The following HTT variants were observed in gnomAD, a reference collection of about 807,000 sequenced individuals.
The protein encoded by HTT is huntingtin.
A neutral mutation model predicts 362.3 loss-of-function variants in HTT; 104 were observed. The ratio of observed to expected loss-of-function variants is 0.29; its 90% confidence interval spans 0.24 to 0.34. The LOEUF is 0.34. Ranked by LOEUF, HTT falls within the 10% of genes least tolerant of loss-of-function variation. HTT has a pLI of 1.00. For missense variants in HTT, 3,301 were observed against 3,928.6 expected (o/e 0.84, Z 4.27); for synonymous variants, 1,577 against 1,548.7 (o/e 1.02, Z -0.43).
chr4:3,093,014 G>T (rs1713594348), intron 2 of HTT, among the ~76,000 whole-genome samples: 1 of 152,208 alleles, frequency 6.6e-6, no homozygotes, highest in South Asian at 2.1e-4. Flanking sequence ...GGCAGAGCTG[G>T]GAGTGCAGAG....
intron 26 of HTT, among the ~76,000 whole-genome samples, chr4:3,149,938 G>A (rs561017359): frequency 6.6e-6 from 1 of 152,308 alleles, no homozygotes; most frequent in East Asian, 1.9e-4. Context: ...ACATCTCTGG[G>A]CACTGCTCTG....
At position 3,154,173 on chromosome 4, in the gene HTT, G is replaced by A. The variant is rs74449027; in HGVS notation, c.3499-120G>A. 7.0e-3 allele frequency: 5,425 copies of A among 770,494 alleles called. 190 individuals carry two copies. In the African/African-American group the frequency reaches 0.079, roughly 11 times the overall value. The allele number at this position is 770,494 out of a possible 1,614,324, so 47.7% of individuals were successfully genotyped here. ...ATATCAGGGTCCAAGAACAAAATGA[G>A]TGACATGGGTTAGCTCTTTTTAATA... On this transcript the variant is annotated intron_variant, in intron 26 of 66. Coordinates refer to ENST00000355072, the MANE Select transcript of HTT (RefSeq NM_001388492.1).
intron 47 of HTT, among the ~76,000 whole-genome samples, chr4:3,211,101 A>C (rs1009457852): frequency 6.6e-6 from 1 of 151,766 alleles, no homozygotes; most frequent in African/African-American, 2.4e-5. Flanking sequence ...ACGGGATTTC[A>C]CCATGTTGGC....
At position 3,182,425 on chromosome 4, in the gene HTT, T is replaced by A. The variant is rs1300862482; in HGVS notation, c.4821T>A (p.Ser1607=). 1 of 1,614,116 alleles carries A rather than the reference T, an allele frequency of 6.2e-7. No individual in the cohort carries two copies. The highest frequency in any genetic ancestry group is 1.7e-5 in the Admixed American group (1 of 60,020). ...ATGAAGACAAGTGGAAGCGACTGTC[T>A]CGACAGATAGCTGACATCATCCTCC... ...KENEDKWKRL[S]RQIADIILPM... Residue 1607 remains serine, a synonymous_variant, in exon 37 of 67, where the codon TCT becomes TCA. Coordinates refer to ENST00000355072, the MANE Select transcript of HTT (RefSeq NM_001388492.1).
chr4:3,077,849 G>C (rs1269499466), intron 1 of HTT, among the ~76,000 whole-genome samples: 1 of 151,116 alleles, frequency 6.6e-6, no homozygotes, highest in African/African-American at 2.5e-5. Context: ...TGAGAAAGGA[G>C]GTATTCACTA....
chr4:3,103,925 A>C, intron 4 of HTT, 42 bp downstream of exon 4: 1 of 1,210,954 alleles, frequency 8.3e-7, no homozygotes, highest in Non-Finnish European at 1.2e-6. Flanking sequence ...TTAAATTTTA[A>C]ATTTTTATAG....
At chr4:3,168,965 G>A (rs1578555964) in intron 29 of HTT, among the ~76,000 whole-genome samples, 1 of 150,646 alleles carries the variant, frequency 6.6e-6, no homozygotes, top group Non-Finnish European at 1.5e-5. Context: ...TGGGTCTGTG[G>A]CTTCATAGTA....
At chr4:3,186,150 A>G (rs1718747841) in intron 37 of HTT, among the ~76,000 whole-genome samples, 1 of 152,014 alleles carries the variant, frequency 6.6e-6, no homozygotes, top group Non-Finnish European at 1.5e-5. Context: ...ATATACACAC[A>G]CCACTTAGCA....
At chr4:3,233,082 G>T (rs181880555) in intron 60 of HTT, 81 bp from the exon 61 acceptor site, 2 of 1,203,448 alleles carry the variant, frequency 1.7e-6, no homozygotes, top group Non-Finnish European at 2.4e-6. Flanking sequence ...TGAGGGCAGC[G>T]CCCCCGCCTC....
At chr4:3,209,003 G>A in intron 46 of HTT, 92 bp downstream of exon 46, 14 of 1,360,010 alleles carry the variant, frequency 1.0e-5, no homozygotes, top group Non-Finnish European at 1.4e-5. Flanking sequence ...GAGGTGCCGT[G>A]GACCCAAGGA....
intron 36 of HTT, among the ~76,000 whole-genome samples, chr4:3,181,868 C>G (rs925327780): frequency 1.9e-4 from 29 of 152,122 alleles, no homozygotes; most frequent in African/African-American, 6.0e-4. Context: ...GAAATGATCA[C>G]TAATAAACTT....
At chr4:3,225,346 C>G (rs1163896075) in intron 56 of HTT, among the ~76,000 whole-genome samples, 1 of 152,194 alleles carries the variant, frequency 6.6e-6, no homozygotes, top group Admixed American at 6.5e-5. Flanking sequence ...GCTTTTGCAG[C>G]TCAGCCCACA....
chr4:3,085,013 C>T (rs1002363228), intron 1 of HTT, among the ~76,000 whole-genome samples: 1 of 146,982 alleles, frequency 6.8e-6, no homozygotes, highest in Non-Finnish European at 1.5e-5. Context: ...GACTCCGTCT[C>T]GGGGGAAAAA....
At position 3,180,320 on chromosome 4, in the gene HTT, G is replaced by A. The variant is rs1157544858; in HGVS notation, c.4613-195G>A. The stretch of plus-strand genomic sequence containing the variant: ...CTTTTTTTAGAAGTCATCACAAAAT[G>A]ATCAGTGTTCAGAGGAAGAGCTTTG... On this transcript the variant is annotated intron_variant, in intron 35 of 66. Transcript: ENST00000355072. Among the ~76,000 whole-genome samples the A allele has an allele frequency of 2.0e-5, 3 of 152,130 alleles. No homozygotes were observed. In the South Asian group the frequency reaches 6.2e-4, roughly 32 times the overall value.
At chr4:3,151,876 C>T (rs965618323) in intron 26 of HTT, among the ~76,000 whole-genome samples, 3 of 152,120 alleles carry the variant, frequency 2.0e-5, no homozygotes, top group South Asian at 2.1e-4. Context: ...TATACTATCT[C>T]ATTTGGATTA....
At chr4:3,177,003 C>T (rs1055493961) in intron 33 of HTT, among the ~76,000 whole-genome samples, 5 of 152,216 alleles carry the variant, frequency 3.3e-5, no homozygotes, top group African/African-American at 1.2e-4. Context: ...AAACCAGTTT[C>T]AGGGAATCTG....
At chr4:3,225,618 G>GC in intron 56 of HTT, 43 bp from the exon 57 acceptor site, 3 of 1,570,074 alleles carry the variant, frequency 1.9e-6, no homozygotes, top group Admixed American at 1.7e-5. Context: ...CTGCGGCCCT[G>GC]CCCCCCTGTG....
At chr4:3,126,955 C>T (rs1055754651) in intron 11 of HTT, among the ~76,000 whole-genome samples, 8 of 152,168 alleles carry the variant, frequency 5.3e-5, no homozygotes, top group African/African-American at 1.9e-4. Flanking sequence ...TTACAAATGT[C>T]TTTATATATT....
chr4:3,169,023 T>TTTC (rs35356858), intron 29 of HTT, among the ~76,000 whole-genome samples: 4 of 128,978 alleles, frequency 3.1e-5, no homozygotes, highest in Non-Finnish European at 3.5e-5. Context: ...TCTTTCTTTC[T>TTTC]TTTTTTTTTT....
Sources: gnomAD v4.1 joint callset for allele counts (sites outside exome capture counted in the v4.1 genomes callset) on GRCh38, gnomAD v4.1.1 for gene constraint, MANE v1.5 for transcripts, NCBI Gene and HGNC (gene_info 2026-07-23, HGNC 2026-07-21) for gene names.